RNLS: variants seen among roughly 807,000 people sequenced by gnomAD.
The protein encoded by RNLS is renalase.
Under a neutral mutation model 39.8 loss-of-function variants are expected in RNLS, and 39 were observed. The observed-to-expected ratio is 0.98, with a 90% CI of 0.76 to 1.28. The LOEUF is 1.28. Ranked by LOEUF, RNLS falls within the 50% of genes most tolerant of loss-of-function variation. RNLS has a pLI of 0.00. For missense variants in RNLS, 410 were observed against 413.3 expected (o/e 0.99, Z 0.07); for synonymous variants, 147 against 150.7 (o/e 0.98, Z 0.18).
the RNLS span, among the ~76,000 whole-genome samples, chr10:88,209,698 CT>C: frequency 6.6e-6 from 1 of 152,176 alleles, no homozygotes; most frequent in Admixed American, 6.5e-5. Flanking sequence ...GGCAATTCTG[CT>C]GTTGGTTAAA....
chr10:88,388,650 C>A lies in RNLS; in HGVS notation c.527-25925G>T, dbSNP rs550602858. Among the ~76,000 whole-genome samples, 3 of 152,316 alleles carry A rather than the reference C, an allele frequency of 2.0e-5. No individual in the cohort carries two copies. In the East Asian group the frequency reaches 5.8e-4, roughly 29 times the overall value. ...ACACAGACAGTCCTACTCTCACAAG[C>A]TGTGTGAGAGTTCCCTTCATTCTCA... On this transcript the variant is annotated intron_variant, in intron 4 of 6. Transcript: ENST00000331772.
chr10:88,382,155 G>T (rs1412618891), intron 4 of RNLS, among the ~76,000 whole-genome samples: 2 of 152,152 alleles, frequency 1.3e-5, no homozygotes, highest in African/African-American at 4.8e-5. Flanking sequence ...TACATGCCAC[G>T]TTGTACTGTG....
Position 88,573,025 on chromosome 10 carries a change from ATCTGTGT to A in RNLS, c.397_403del (p.Thr133SerfsTer3), listed in dbSNP as rs1849946341. 1 of 1,613,864 alleles carries A rather than the reference ATCTGTGT, an allele frequency of 6.2e-7. No individual in the cohort carries two copies. The highest frequency in any genetic ancestry group is 1.1e-5 in the South Asian group (1 of 91,060). ...TTCCCATTTGTCATCTCTTAGGTTG[ATCTGTGT>A]CACACGATGTCTGAAGTAGACTTCT... On this transcript the variant is annotated frameshift_variant, in exon 4 of 7. Transcript: ENST00000331772. LOFTEE classifies it high-confidence loss of function.
At chr10:88,216,949 A>T in the RNLS span, among the ~76,000 whole-genome samples, 1 of 152,160 alleles carries the variant, frequency 6.6e-6, no homozygotes, top group African/African-American at 2.4e-5. Flanking sequence ...GGTTAGGGCA[A>T]CCAAGATAGG....
At chr10:88,391,468 G>A (rs1056768027) in intron 4 of RNLS, among the ~76,000 whole-genome samples, 1 of 152,200 alleles carries the variant, frequency 6.6e-6, no homozygotes, top group Non-Finnish European at 1.5e-5. Flanking sequence ...TGAGGCAGGA[G>A]AATTGCTTGA....
At chr10:88,530,688 C>T (rs1473395441) in intron 4 of RNLS, among the ~76,000 whole-genome samples, 1 of 152,076 alleles carries the variant, frequency 6.6e-6, no homozygotes, top group Non-Finnish European at 1.5e-5. Context: ...TTTCCCTTTG[C>T]TTTTGCTTTT....
intron 4 of RNLS, among the ~76,000 whole-genome samples, chr10:88,529,797 A>T (rs1160974578): frequency 6.6e-6 from 1 of 152,218 alleles, no homozygotes; most frequent in African/African-American, 2.4e-5. Flanking sequence ...AAATCTGAAC[A>T]TTGTTATTTT....
At chr10:88,479,063 G>T (rs1843994615) in intron 4 of RNLS, among the ~76,000 whole-genome samples, 1 of 152,082 alleles carries the variant, frequency 6.6e-6, no homozygotes, top group Non-Finnish European at 1.5e-5. Flanking sequence ...AAGACTAAAT[G>T]AACATATAGT....
At chr10:88,458,972 G>C (rs943135960) in intron 4 of RNLS, among the ~76,000 whole-genome samples, 4 of 152,142 alleles carry the variant, frequency 2.6e-5, no homozygotes, top group African/African-American at 7.2e-5. Flanking sequence ...CAGACTACCT[G>C]GTGGTATAGG....
rs763903879 is a variant in RNLS at position 88,285,387 on chromosome 10, T to C, written c.996A>G (p.Leu332=). 8.6e-5 allele frequency: 138 copies of C among 1,611,826 alleles called. 2 individuals are homozygous for C. Among genetic ancestry groups the C allele is most frequent in the Admixed American group, 7.0e-4 (42 of 59,846 alleles). Residue 332 remains leucine (L), a synonymous_variant, in exon 7 of 7, where the codon CTA becomes CTG. Coordinates refer to ENST00000331772, the MANE Select transcript of RNLS (RefSeq NM_001031709.3). ...SNFDGCITSA[L]CVLEALKNYI is the part of the protein sequence containing the mutation. ...AATTCTTTAAAGCTTCCAGAACACA[T>C]AGGGCAGAAGTGATGCAGCCATCAA...
At chr10:88,367,460 C>A (rs905374031) in intron 4 of RNLS, among the ~76,000 whole-genome samples, 5 of 152,102 alleles carry the variant, frequency 3.3e-5, no homozygotes, top group African/African-American at 1.2e-4. Context: ...AGTTACTTAT[C>A]CATTCCACTG....
chr10:88,224,550 T>C, the RNLS span, among the ~76,000 whole-genome samples: 8 of 152,302 alleles, frequency 5.3e-5, no homozygotes, highest in South Asian at 1.7e-3. Flanking sequence ...ACTCTGTCTG[T>C]TGGATAAATT....
chr10:88,466,802 C>G (rs1313745661), intron 4 of RNLS, among the ~76,000 whole-genome samples: 1 of 152,110 alleles, frequency 6.6e-6, no homozygotes, highest in Non-Finnish European at 1.5e-5. Flanking sequence ...TGTTAGAAAT[C>G]AAGACCACTT....
intron 4 of RNLS, among the ~76,000 whole-genome samples, chr10:88,435,246 C>G (rs910311365): frequency 3.3e-5 from 5 of 151,954 alleles, no homozygotes; most frequent in Non-Finnish European, 5.9e-5. Context: ...AACTGGAGAC[C>G]TTTAGGAAAT....
At chr10:88,361,980 G>A (rs1418623502) in intron 5 of RNLS, among the ~76,000 whole-genome samples, 1 of 152,054 alleles carries the variant, frequency 6.6e-6, no homozygotes, top group African/African-American at 2.4e-5. Flanking sequence ...AACAAAAAGG[G>A]TGGAGTGTAG....
chr10:88,180,668 C>T, the RNLS span, among the ~76,000 whole-genome samples: 1 of 152,076 alleles, frequency 6.6e-6, no homozygotes, highest in East Asian at 1.9e-4. Flanking sequence ...CCTGTAATCC[C>T]CAACCTCAGA....
intron 4 of RNLS, among the ~76,000 whole-genome samples, chr10:88,477,268 A>C (rs1843871355): frequency 6.6e-6 from 1 of 152,188 alleles, no homozygotes; most frequent in Non-Finnish European, 1.5e-5. Flanking sequence ...GGACTTGCTC[A>C]CAGAAAAACT....
chr10:88,284,454 G>A lies in RNLS; in HGVS notation c.*900C>T, dbSNP rs1554849452. ...GGGGTCAGGTCACTGAAGCATGTGG[G>A]TGATATGCTGAACCACCAACTTGGC... On this transcript the variant is annotated 3_prime_UTR_variant, in exon 7 of 7. Transcript: ENST00000331772. 4 of 985,270 alleles carry A rather than the reference G, an allele frequency of 4.1e-6. No individual in the cohort carries two copies. The highest frequency in any genetic ancestry group is 9.4e-5 in the South Asian group (2 of 21,280). The allele number at this position is 985,270 out of a possible 1,614,324, so 61.0% of individuals were successfully genotyped here.
chr10:88,278,830 A>G (rs1460678846), intron 6 of RNLS, among the ~76,000 whole-genome samples: 1 of 152,230 alleles, frequency 6.6e-6, no homozygotes, highest in East Asian at 1.9e-4. Context: ...GGATGAGGTT[A>G]GTACATTTTT....
Sources: gnomAD v4.1 joint callset for allele counts (sites outside exome capture counted in the v4.1 genomes callset) on GRCh38, gnomAD v4.1.1 for gene constraint, MANE v1.5 for transcripts, NCBI Gene and HGNC (gene_info 2026-07-23, HGNC 2026-07-21) for gene names.